ARHGAP26: variants seen among roughly 807,000 people sequenced by gnomAD.
The protein encoded by ARHGAP26 is rho GTPase-activating protein 26.
A neutral mutation model predicts 104.8 loss-of-function variants in ARHGAP26; 38 were observed. That is an observed-to-expected ratio of 0.36 (90% CI 0.28 to 0.48). The LOEUF is 0.48. Ranked by LOEUF, ARHGAP26 falls within the 20% of genes least tolerant of loss-of-function variation. The pLI is 0.99. For synonymous variants in ARHGAP26, 341 were observed against 340.0 expected (o/e 1.00, Z -0.03); for missense variants, 704 against 947.9 (o/e 0.74, Z 3.38).
At chr5:143,204,066 A>AT (rs199763736) in intron 20 of ARHGAP26, among the ~76,000 whole-genome samples, 3 of 141,730 alleles carry the variant, frequency 2.1e-5, no homozygotes, top group African/African-American at 9.6e-5. Context: ...TTAAAGTATA[A>AT]TTAAAAAAAA....
intron 1 of ARHGAP26, among the ~76,000 whole-genome samples, chr5:142,848,409 G>A (rs978104777): frequency 6.6e-6 from 1 of 152,172 alleles, no homozygotes; most frequent in Non-Finnish European, 1.5e-5. Context: ...AGTGAATAGC[G>A]TGTGTGGCCC....
chr5:142,893,098 C>T (rs1046990326), intron 5 of ARHGAP26, among the ~76,000 whole-genome samples: 2 of 151,350 alleles, frequency 1.3e-5, no homozygotes, highest in Non-Finnish European at 2.9e-5. Flanking sequence ...GATTCTCCTG[C>T]CTCAACCTCC....
intron 9 of ARHGAP26, among the ~76,000 whole-genome samples, chr5:142,911,661 C>T (rs1371158755): frequency 6.6e-6 from 1 of 152,194 alleles, no homozygotes; most frequent in Non-Finnish European, 1.5e-5. Context: ...TATTAATCTT[C>T]CTCCTCTTTC....
chr5:143,112,672 A>T (rs1252826653), intron 17 of ARHGAP26, among the ~76,000 whole-genome samples: 1 of 152,112 alleles, frequency 6.6e-6, no homozygotes, highest in African/African-American at 2.4e-5. Flanking sequence ...TGTGAATTTG[A>T]CTACTTTAAG....
chr5:143,148,781 A>T (rs563227611), intron 20 of ARHGAP26, among the ~76,000 whole-genome samples: 1 of 151,820 alleles, frequency 6.6e-6, no homozygotes, highest in African/African-American at 2.4e-5. Context: ...GGGAGATTCT[A>T]TTTTCTTTAC....
intron 8 of ARHGAP26, 169 bp from the exon 9 acceptor site, chr5:142,907,535 C>G (rs1598184773): frequency 5.4e-6 from 2 of 368,956 alleles, no homozygotes; most frequent in Non-Finnish European, 1.0e-5. Flanking sequence ...CCTGTGGGAT[C>G]AGATTTCTGT....
Position 143,134,031 on chromosome 5 carries a change from G to A in ARHGAP26, c.1763G>A (p.Ser588Asn), listed in dbSNP as rs763842100. ...CAGCTGCACCTGTCTCGGAAGAAGA[G>A]CAGTGACTCCAAGCCCCCGTCCTGC... ...NAQLHLSRKK[S>N]SDSKPPSCSE... Residue 588 changes from serine to asparagine, a missense_variant, in exon 19 of 23, where the codon AGC becomes AAC. Ser to Asn is a conservative substitution (Grantham distance 46). Coordinates refer to ENST00000645722, the MANE Select transcript of ARHGAP26 (RefSeq NM_001135608.3). 2.5e-6 allele frequency: 4 copies of A among 1,612,942 alleles called. No homozygotes were observed. The Admixed American group carries it at 5.0e-5, about 20-fold the overall frequency.
In ARHGAP26 at chr5:143,003,470, A is replaced by G. The variant is rs574708028; in HGVS notation, c.1108-10610A>G. Among the ~76,000 whole-genome samples, 4 of 152,360 alleles carry G rather than the reference A, an allele frequency of 2.6e-5. No homozygotes were observed. The South Asian group carries it at 6.2e-4, about 24-fold the overall frequency. On this transcript the variant is annotated intron_variant, in intron 11 of 22. Coordinates refer to ENST00000645722, the MANE Select transcript of ARHGAP26 (RefSeq NM_001135608.3). ...TTTAATGAGGAATAATTTCTTGGAC[A>G]CTGAATATATGCAAACATTTAGATG...
At chr5:142,774,366 T>A (rs1490394223) in intron 1 of ARHGAP26, among the ~76,000 whole-genome samples, 1 of 152,184 alleles carries the variant, frequency 6.6e-6, no homozygotes, top group Non-Finnish European at 1.5e-5. Context: ...TCTCAATTCA[T>A]TGACTTTGGC....
chr5:142,965,857 G>A (rs1224256897), intron 11 of ARHGAP26, among the ~76,000 whole-genome samples: 3 of 152,184 alleles, frequency 2.0e-5, no homozygotes, highest in Admixed American at 6.5e-5. Context: ...TGTTGGTCTC[G>A]TGTACTGGGA....
chr5:143,164,731 C>T (rs1016017479), intron 20 of ARHGAP26, among the ~76,000 whole-genome samples: 1 of 152,186 alleles, frequency 6.6e-6, no homozygotes, highest in African/African-American at 2.4e-5. Context: ...TAGCCATAAC[C>T]TGAGTGTTCC....
chr5:143,114,575 G>A (rs1795183220), intron 17 of ARHGAP26, among the ~76,000 whole-genome samples: 1 of 152,210 alleles, frequency 6.6e-6, no homozygotes, highest in South Asian at 2.1e-4. Flanking sequence ...TTCAGCCCTA[G>A]AGCTTGGAGC....
In ARHGAP26 at chr5:143,014,851, A is replaced by G. The variant is rs76167081; in HGVS notation, c.1144+735A>G. On this transcript the variant is annotated intron_variant, in intron 12 of 22. Transcript: ENST00000645722. ...CTTCCAGGTTGCTGCAAGAGTACAAAGGAAATCCTGTCACCTTGCTTTGTA... is the reference window on the plus strand; with the variant it reads ...CTTCCAGGTTGCTGCAAGAGTACAAGGGAAATCCTGTCACCTTGCTTTGTA... Among the ~76,000 whole-genome samples, 675 of 152,342 alleles carry G rather than the reference A, an allele frequency of 4.4e-3. 1 individual carries two copies. The highest frequency in any genetic ancestry group is 0.017 in the Middle Eastern group (5 of 294).
At chr5:143,036,693 C>T (rs1212530263) in intron 12 of ARHGAP26, among the ~76,000 whole-genome samples, 1 of 152,138 alleles carries the variant, frequency 6.6e-6, no homozygotes, top group Non-Finnish European at 1.5e-5. Context: ...TTAGTTTTAC[C>T]AAGCCTCAGT....
At chr5:142,892,860 C>T (rs564241404) in intron 5 of ARHGAP26, among the ~76,000 whole-genome samples, 2 of 151,986 alleles carry the variant, frequency 1.3e-5, no homozygotes, top group African/African-American at 2.4e-5. Flanking sequence ...AAATATACAC[C>T]GTACATCAGT....
chr5:142,927,664 G>A (rs1764109955), intron 10 of ARHGAP26, among the ~76,000 whole-genome samples: 1 of 152,196 alleles, frequency 6.6e-6, no homozygotes, highest in Admixed American at 6.5e-5. Flanking sequence ...GTGGACATAT[G>A]CACTCATTTC....
intron 11 of ARHGAP26, among the ~76,000 whole-genome samples, chr5:142,991,308 G>T (rs1217420890): frequency 6.6e-6 from 1 of 152,294 alleles, no homozygotes; most frequent in South Asian, 2.1e-4. Context: ...TAAGACCTTT[G>T]GAAAAGCGCA....
chr5:142,877,241 A>G (rs1157136774), intron 3 of ARHGAP26, among the ~76,000 whole-genome samples: 1 of 151,690 alleles, frequency 6.6e-6, no homozygotes, highest in East Asian at 1.9e-4. Flanking sequence ...CCCTGTGACA[A>G]CTCCATCAGT....
chr5:143,153,681 C>G lies in ARHGAP26; in HGVS notation c.1988+6300C>G, dbSNP rs538426807. On this transcript the variant is annotated intron_variant, in intron 20 of 22. Coordinates refer to ENST00000645722, the MANE Select transcript of ARHGAP26 (RefSeq NM_001135608.3). Reference sequence around the variant, plus strand: ...GGGATGATTACTGCAATGATGGAACCCAACCTTGGAGTTCTCTCTGCCTAA... The same window carrying G: ...GGGATGATTACTGCAATGATGGAACGCAACCTTGGAGTTCTCTCTGCCTAA... Among the ~76,000 whole-genome samples, 4 of 152,238 alleles carry G rather than the reference C, an allele frequency of 2.6e-5. No homozygotes were observed. In the East Asian group the frequency reaches 7.7e-4, roughly 29 times the overall value.
Sources: allele counts gnomAD v4.1 joint callset (sites outside exome capture counted in the v4.1 genomes callset), GRCh38; gene constraint gnomAD v4.1.1; transcripts MANE v1.5; gene names NCBI Gene and HGNC (gene_info 2026-07-23, HGNC 2026-07-21).